TMPRSS11E: variants seen among roughly 807,000 people sequenced by gnomAD.
The protein encoded by TMPRSS11E is transmembrane protease serine 11E.
TMPRSS11E carries 38 observed loss-of-function variants against 48.1 expected under a neutral mutation model. The ratio of observed to expected loss-of-function variants is 0.79; its 90% CI spans 0.61 to 1.04. TMPRSS11E has a LOEUF of 1.04. Among genes scored for constraint, TMPRSS11E ranks in the 50% least tolerant of loss-of-function variants. The pLI is 0.00. For synonymous variants in TMPRSS11E, 158 were observed against 171.9 expected (o/e 0.92, Z 0.63); for missense variants, 530 against 510.8 (o/e 1.04, Z -0.36).
intron 9 of TMPRSS11E, among the ~76,000 whole-genome samples, chr4:68,485,919 T>A (rs1285936414): frequency 2.0e-5 from 3 of 152,196 alleles, no homozygotes; most frequent in African/African-American, 4.8e-5. Context: ...CCTTCTAGAT[T>A]TTCTAGTTTG....
chr4:68,455,338 TC>T (rs1335134715), intron 1 of TMPRSS11E, among the ~76,000 whole-genome samples: 1 of 151,934 alleles, frequency 6.6e-6, no homozygotes, highest in African/African-American at 2.4e-5. Flanking sequence ...ACCATTTAGA[TC>T]AATTTAAATT....
At chr4:68,448,601 G>A (rs905677101) in intron 1 of TMPRSS11E, among the ~76,000 whole-genome samples, 1 of 151,826 alleles carries the variant, frequency 6.6e-6, no homozygotes. Context: ...TCAGAGATTT[G>A]GAATTTGGTT....
chr4:68,461,766 T>C (rs1005763737), intron 1 of TMPRSS11E, 55 bp from the exon 2 acceptor site: 3 of 1,611,308 alleles, frequency 1.9e-6, no homozygotes, highest in East Asian at 2.2e-5. Flanking sequence ...TTTTGTCTAA[T>C]GAGTGGATGT....
At chr4:68,493,640 TA>T (rs927504374) in intron 9 of TMPRSS11E, among the ~76,000 whole-genome samples, 4 of 152,094 alleles carry the variant, frequency 2.6e-5, no homozygotes, top group African/African-American at 9.7e-5. Context: ...CTAATTTTTG[TA>T]TTTTTAGTAG....
At chr4:68,458,432 A>G (rs927831321) in intron 1 of TMPRSS11E, among the ~76,000 whole-genome samples, 1 of 152,218 alleles carries the variant, frequency 6.6e-6, no homozygotes, top group African/African-American at 2.4e-5. Context: ...AGAAAATCAT[A>G]TAAAGAAAGA....
At chr4:68,461,422 C>A (rs1458998686) in intron 1 of TMPRSS11E, among the ~76,000 whole-genome samples, 1 of 152,158 alleles carries the variant, frequency 6.6e-6, no homozygotes, top group African/African-American at 2.4e-5. Flanking sequence ...ATTTTTGTAG[C>A]CCCTGCAGTG....
intron 9 of TMPRSS11E, among the ~76,000 whole-genome samples, chr4:68,489,238 A>G (rs1729648148): frequency 2.0e-5 from 3 of 152,192 alleles, no homozygotes; most frequent in Admixed American, 1.3e-4. Flanking sequence ...GGGTTAGCTC[A>G]GCACTCCTGG....
intron 9 of TMPRSS11E, among the ~76,000 whole-genome samples, chr4:68,490,455 T>G (rs1163549311): frequency 6.6e-6 from 1 of 152,186 alleles, no homozygotes; most frequent in Non-Finnish European, 1.5e-5. Context: ...GGGAGGGGGA[T>G]GTATGAAGGA....
intron 2 of TMPRSS11E, among the ~76,000 whole-genome samples, chr4:68,463,704 GT>G (rs1266735185): frequency 1.3e-5 from 2 of 152,180 alleles, no homozygotes; most frequent in African/African-American, 2.4e-5. Context: ...ATCATTATTT[GT>G]CCCCATGGAT....
At chr4:68,480,748 T>C (rs1729378583) in intron 9 of TMPRSS11E, among the ~76,000 whole-genome samples, 1 of 152,172 alleles carries the variant, frequency 6.6e-6, no homozygotes, top group South Asian at 2.1e-4. Context: ...TTTGTTGTTG[T>C]TGTTATATCA....
chr4:68,494,173 G>A (rs899614409), intron 9 of TMPRSS11E, among the ~76,000 whole-genome samples: 6 of 151,884 alleles, frequency 4.0e-5, no homozygotes, highest in African/African-American at 1.5e-4. Context: ...TCACCTTAAT[G>A]AGTGCCAAAC....
At position 68,469,447 on chromosome 4, in the gene TMPRSS11E, A is replaced by C. The variant is rs542229163; in HGVS notation, c.326+501A>C. Among the ~76,000 whole-genome samples, 13 of 152,154 alleles carry C rather than the reference A, an allele frequency of 8.5e-5. No homozygotes were observed. In the South Asian group the frequency reaches 2.5e-3, roughly 29 times the overall value. On this transcript the variant is annotated intron_variant, in intron 4 of 9. Transcript: ENST00000305363. ...ACATAATGTTAAGGAAAATATTATA[A>C]GAATTTTCAATAAGATATTGACATA...
intron 5 of TMPRSS11E, among the ~76,000 whole-genome samples, chr4:68,472,227 T>G (rs1349849): frequency 6.6e-6 from 1 of 151,548 alleles, no homozygotes; most frequent in East Asian, 1.9e-4. Flanking sequence ...AATTAAGATC[T>G]GGCTAAGGGC....
At chr4:68,453,615 G>A (rs1178660710) in intron 1 of TMPRSS11E, among the ~76,000 whole-genome samples, 4 of 151,898 alleles carry the variant, frequency 2.6e-5, no homozygotes, top group African/African-American at 4.8e-5. Flanking sequence ...GTAAATACAC[G>A]TCTTCATGTC....
At chr4:68,453,959 A>G (rs967896664) in intron 1 of TMPRSS11E, among the ~76,000 whole-genome samples, 4 of 151,884 alleles carry the variant, frequency 2.6e-5, no homozygotes, top group African/African-American at 7.2e-5. Flanking sequence ...TGAAATGCAC[A>G]TTAGGATTCC....
chr4:68,462,726 C>A (rs571986643), intron 2 of TMPRSS11E, among the ~76,000 whole-genome samples: 21 of 152,060 alleles, frequency 1.4e-4, no homozygotes, highest in African/African-American at 5.1e-4. Flanking sequence ...TGAGTAAGTG[C>A]CTATTTCTGT....
chr4:68,452,063 T>C (rs1037598514), intron 1 of TMPRSS11E, among the ~76,000 whole-genome samples: 2 of 151,902 alleles, frequency 1.3e-5, no homozygotes, highest in African/African-American at 2.4e-5. Context: ...AGCATTGCTG[T>C]ATGCATTCTC....
chr4:68,448,796 A>T (rs778941261), intron 1 of TMPRSS11E, among the ~76,000 whole-genome samples: 1 of 151,878 alleles, frequency 6.6e-6, no homozygotes, highest in Non-Finnish European at 1.5e-5. Flanking sequence ...CGTCTTCCTG[A>T]TCTGAAGATT....
At chr4:68,481,661 A>T (rs1729403356) in intron 9 of TMPRSS11E, among the ~76,000 whole-genome samples, 1 of 152,106 alleles carries the variant, frequency 6.6e-6, no homozygotes, top group African/African-American at 2.4e-5. Flanking sequence ...CTATAAAAAA[A>T]TACCTGGGTC....
Sources: allele counts gnomAD v4.1 joint callset (sites outside exome capture counted in the v4.1 genomes callset), GRCh38; gene constraint gnomAD v4.1.1; transcripts MANE v1.5; gene names NCBI Gene and HGNC (gene_info 2026-07-23, HGNC 2026-07-21).